The following MCC variants were observed in gnomAD, a reference collection of about 807,000 sequenced individuals.
MCC encodes colorectal mutant cancer protein.
Under a neutral mutation model 116.2 loss-of-function variants are expected in MCC, and 90 were observed. That is an observed-to-expected ratio of 0.77 (90% CI 0.65 to 0.92). The LOEUF is 0.92. Among genes scored for constraint, MCC ranks in the 40% least tolerant of loss-of-function variants. The pLI is 0.00. For synonymous variants in MCC, 578 were observed against 510.5 expected, an observed-to-expected ratio of 1.13 and a Z score of -1.78; for missense variants, 1,516 against 1,312.2, an observed-to-expected ratio of 1.16 and a Z score of -2.40.
intron 15 of MCC, among the ~76,000 whole-genome samples, chr5:113,052,284 G>A (rs908838797): frequency 6.6e-6 from 1 of 152,178 alleles, no homozygotes; most frequent in African/African-American, 2.4e-5. Flanking sequence ...TCGTGCCACA[G>A]GCTGCAAGCA....
intron 2 of MCC, among the ~76,000 whole-genome samples, chr5:113,353,301 G>A (rs186292713): frequency 4.9e-4 from 74 of 152,252 alleles, no homozygotes; most frequent in African/African-American, 1.7e-3. Context: ...AGGAGGGTCT[G>A]GGGGTTCATG....
In MCC at chr5:113,201,387, CAAAAAAAAA is replaced by C. The variant is rs68052804; in HGVS notation, c.628-49974_628-49966del. Among the ~76,000 whole-genome samples the C allele has an allele frequency of 9.9e-4, 127 of 128,262 alleles. 1 individual carries two copies. Among genetic ancestry groups the C allele is most frequent in the African/African-American group, 3.4e-3 (116 of 34,606 alleles). 84.1% of individuals were successfully genotyped at this position (128,262 alleles called of 152,430 possible). On this transcript the variant is annotated intron_variant, in intron 3 of 18. Coordinates refer to ENST00000408903, the MANE Select transcript of MCC (RefSeq NM_001085377.2). ...GGCGACAAGAGCAAAACGCCATCTCCAAAAAAAAAAAAAAAAAACAAAGAAGAAACTACT... is the reference window on the plus strand; with the variant it reads ...GGCGACAAGAGCAAAACGCCATCTCCAAAAAAAAACAAAGAAGAAACTACT...
At chr5:113,365,031 T>C (rs1768652093) in intron 2 of MCC, among the ~76,000 whole-genome samples, 1 of 152,220 alleles carries the variant, frequency 6.6e-6, no homozygotes, top group Non-Finnish European at 1.5e-5. Flanking sequence ...GTCTTGGCTA[T>C]TTGCACTTGG....
chr5:113,274,362 T>A (rs1218510049), intron 3 of MCC, among the ~76,000 whole-genome samples: 1 of 146,056 alleles, frequency 6.8e-6, no homozygotes, highest in Non-Finnish European at 1.5e-5. Context: ...AAGATACTTT[T>A]GTTTTGTTTT....
intron 2 of MCC, among the ~76,000 whole-genome samples, chr5:113,346,802 T>A (rs1034291583): frequency 6.6e-6 from 1 of 151,932 alleles, no homozygotes; most frequent in Admixed American, 6.6e-5. Context: ...AGGTCAAGGA[T>A]AAAGAAAGTA....
intron 1 of MCC, among the ~76,000 whole-genome samples, chr5:113,459,256 A>G (rs1771676067): frequency 6.6e-6 from 1 of 151,626 alleles, no homozygotes; most frequent in Admixed American, 6.6e-5. Flanking sequence ...GCCACAGGCC[A>G]GGTGCGGTGG....
At chr5:113,463,211 AG>A (rs1771794701) in intron 1 of MCC, among the ~76,000 whole-genome samples, 1 of 152,122 alleles carries the variant, frequency 6.6e-6, no homozygotes, top group African/African-American at 2.4e-5. Flanking sequence ...ATGAGGTAGG[AG>A]AGGAAGCCTT....
At chr5:113,258,171 T>TG (rs1212287589) in intron 3 of MCC, among the ~76,000 whole-genome samples, 4 of 152,150 alleles carry the variant, frequency 2.6e-5, no homozygotes, top group African/African-American at 9.7e-5. Flanking sequence ...AAGAAAGGAA[T>TG]TAAAAAACCA....
chr5:113,444,134 C>G (rs552053498), intron 1 of MCC, among the ~76,000 whole-genome samples: 32 of 152,148 alleles, frequency 2.1e-4, no homozygotes, highest in African/African-American at 7.7e-4. Context: ...TGTGCATCAC[C>G]GTGCCCGGCC....
chr5:113,419,561 A>T (rs1433993781), intron 1 of MCC, among the ~76,000 whole-genome samples: 1 of 151,678 alleles, frequency 6.6e-6, no homozygotes, highest in Non-Finnish European at 1.5e-5. Context: ...TATATTAAAA[A>T]CCACTGAATT....
At position 113,198,618 on chromosome 5, in the gene MCC, C is replaced by A. The variant is rs1275762736; in HGVS notation, c.628-47196G>T. ...ACTCGGCAGGTTGAGGCAGGAGGAT[C>A]TCTTGAGCCTGGGAGGTTGAGGCTG... is the stretch of plus-strand genomic sequence containing the variant. On this transcript the variant is annotated intron_variant, in intron 3 of 18. Coordinates refer to ENST00000408903, the MANE Select transcript of MCC (RefSeq NM_001085377.2). Among the ~76,000 whole-genome samples, 7 of 149,768 alleles carry A rather than the reference C, an allele frequency of 4.7e-5. No individual in the cohort carries two copies. In the Admixed American group the frequency reaches 4.7e-4, roughly 10 times the overall value.
At chr5:113,440,796 AAAAG>A (rs1244075474) in intron 1 of MCC, among the ~76,000 whole-genome samples, 1 of 152,196 alleles carries the variant, frequency 6.6e-6, no homozygotes. Context: ...AAAGAGAAGA[AAAAG>A]AAAGAAATCG....
intron 3 of MCC, among the ~76,000 whole-genome samples, chr5:113,153,293 G>GA (rs912480055): frequency 2.0e-5 from 3 of 152,168 alleles, no homozygotes; most frequent in Admixed American, 2.0e-4. Flanking sequence ...ACTTCTGGGG[G>GA]AAAGGGCTGC....
chr5:113,207,513 T>C (rs991735719), intron 3 of MCC, among the ~76,000 whole-genome samples: 2 of 152,056 alleles, frequency 1.3e-5, no homozygotes, highest in African/African-American at 2.4e-5. Context: ...TCTTAGAGAA[T>C]GGCTTTAATG....
At chr5:113,197,152 A>G (rs994591011) in intron 3 of MCC, among the ~76,000 whole-genome samples, 1 of 152,176 alleles carries the variant, frequency 6.6e-6, no homozygotes, top group Non-Finnish European at 1.5e-5. Flanking sequence ...CTCCACTGTC[A>G]CGGGCTTCTT....
intron 3 of MCC, among the ~76,000 whole-genome samples, chr5:113,289,286 G>A (rs543151380): frequency 6.9e-5 from 10 of 144,644 alleles, no homozygotes; most frequent in South Asian, 2.2e-4. Flanking sequence ...CCGAGATTGC[G>A]CCACTGCACT....
rs573279454 is a variant in MCC, at chr5:113,416,282, G to A, written c.171-31070C>T. The stretch of plus-strand genomic sequence containing the variant: ...TAAACAATGTTGGAGAGCTGGGTGT[G>A]CTGGCACACACCTGTAGTCTCATCT... On this transcript the variant is annotated intron_variant, in intron 1 of 18. Coordinates refer to ENST00000408903, the MANE Select transcript of MCC (RefSeq NM_001085377.2). Among the ~76,000 whole-genome samples the A allele has an allele frequency of 5.3e-5, 8 of 152,336 alleles. No homozygotes were observed. In the South Asian group the frequency reaches 1.7e-3, roughly 32 times the overall value.
chr5:113,447,927 C>G (rs1208692335), intron 1 of MCC, among the ~76,000 whole-genome samples: 1 of 151,998 alleles, frequency 6.6e-6, no homozygotes, highest in East Asian at 1.9e-4. Context: ...AGCAAAATAG[C>G]TGTGGCTTTG....
intron 2 of MCC, among the ~76,000 whole-genome samples, chr5:113,345,951 T>A (rs1278991504): frequency 6.6e-6 from 1 of 152,092 alleles, no homozygotes; most frequent in Non-Finnish European, 1.5e-5. Context: ...GAATTCAAAA[T>A]AACTGTTTTG....
Sources: gnomAD v4.1 joint callset for allele counts (sites outside exome capture counted in the v4.1 genomes callset) on GRCh38, gnomAD v4.1.1 for gene constraint, MANE v1.5 for transcripts, NCBI Gene and HGNC (gene_info 2026-07-23, HGNC 2026-07-21) for gene names.